The following ARID5B variants were observed in gnomAD, a reference collection of about 807,000 sequenced individuals.
ARID5B encodes the protein AT-rich interaction domain 5B, also known as AT-rich interactive domain-containing protein 5B.
A neutral mutation model predicts 97.2 loss-of-function variants in ARID5B; 13 were observed. The observed-to-expected ratio is 0.13, with a 90% CI of 0.09 to 0.21. The LOEUF (loss-of-function observed/expected upper bound fraction) is 0.21, where lower values mean the gene tolerates loss of function less well. Ranked by LOEUF, ARID5B falls within the 10% of genes least tolerant of loss-of-function variation. The probability of loss-of-function intolerance (pLI) is 1.00; values close to 1 mark genes in which losing one functional copy is unlikely to be tolerated. For missense variants in ARID5B, 1,210 were observed against 1,465.3 expected, an observed-to-expected ratio of 0.83 and a Z score of 2.84; for synonymous variants, 556 against 570.3, an observed-to-expected ratio of 0.97 and a Z score of 0.36.
At chr10:61,992,524 T>C (rs952960530) in intron 3 of ARID5B, among the ~76,000 whole-genome samples, 1 of 152,232 alleles carries the variant, frequency 6.6e-6, no homozygotes, top group African/African-American at 2.4e-5. Flanking sequence ...TGAAAACAGC[T>C]GGTTCAAACC....
intron 3 of ARID5B, among the ~76,000 whole-genome samples, chr10:61,949,623 G>C (rs1001088632): frequency 6.6e-6 from 1 of 152,094 alleles, no homozygotes; most frequent in African/African-American, 2.4e-5. Context: ...GGCAACAAGA[G>C]CGAAACTTTG....
At chr10:61,937,404 G>C (rs1844324156) in intron 2 of ARID5B, among the ~76,000 whole-genome samples, 1 of 152,142 alleles carries the variant, frequency 6.6e-6, no homozygotes, top group Non-Finnish European at 1.5e-5. Context: ...TGACTTAGAG[G>C]ATTTATGATT....
At chr10:61,915,742 T>G (rs984476466) in intron 2 of ARID5B, among the ~76,000 whole-genome samples, 2 of 152,150 alleles carry the variant, frequency 1.3e-5, no homozygotes, top group African/African-American at 4.8e-5. Context: ...TATCTGTCTT[T>G]GTTTGTTTGT....
In ARID5B at chr10:62,040,502, C is replaced by A. The variant is rs191656396; in HGVS notation, c.734-10386C>A. On this transcript the variant is annotated intron_variant, in intron 4 of 9. Coordinates refer to ENST00000279873, the MANE Select transcript of ARID5B (RefSeq NM_032199.3). ...AGATGTTAATCTTGTTCTGTCTGCT[C>A]CTTAACACATATTTCCAAGAACATA... Among the ~76,000 whole-genome samples the A allele has an allele frequency of 5.3e-3, 807 of 152,182 alleles. 5 individuals carry two copies. The highest frequency in any genetic ancestry group is 0.019 in the African/African-American group (783 of 41,514).
chr10:62,048,190 C>T (rs1309718339), intron 4 of ARID5B, among the ~76,000 whole-genome samples: 1 of 152,202 alleles, frequency 6.6e-6, no homozygotes, highest in Admixed American at 6.5e-5. Context: ...CAGGAAAGAA[C>T]AGTATGTGGG....
intron 2 of ARID5B, among the ~76,000 whole-genome samples, chr10:61,928,156 C>A (rs564295137): frequency 6.6e-6 from 1 of 152,126 alleles, no homozygotes; most frequent in Non-Finnish European, 1.5e-5. Flanking sequence ...TCACTCCCAC[C>A]CCTCTGCGGC....
intron 2 of ARID5B, among the ~76,000 whole-genome samples, chr10:61,906,098 T>C (rs1169855646): frequency 6.6e-6 from 1 of 152,184 alleles, no homozygotes; most frequent in Non-Finnish European, 1.5e-5. Flanking sequence ...CTATAGATTG[T>C]TGGTGAAGAT....
intron 4 of ARID5B, among the ~76,000 whole-genome samples, chr10:62,005,893 C>T (rs754849086): frequency 1.2e-4 from 19 of 152,298 alleles, no homozygotes; most frequent in Middle Eastern, 3.4e-3. Context: ...TTCATGGTCA[C>T]AGTGGATTTC....
chr10:62,029,033 AC>A (rs1373089637), intron 4 of ARID5B, among the ~76,000 whole-genome samples: 4 of 151,734 alleles, frequency 2.6e-5, no homozygotes, highest in Non-Finnish European at 5.9e-5. Context: ...AATACGCACC[AC>A]AGCTAACCTA....
intron 5 of ARID5B, among the ~76,000 whole-genome samples, chr10:62,051,577 G>T (rs1341247470): frequency 6.6e-6 from 1 of 152,172 alleles, no homozygotes; most frequent in African/African-American, 2.4e-5. Flanking sequence ...AACATAGAAT[G>T]AAAGTAAATT....
At chr10:62,050,270 G>A (rs1231007223) in intron 4 of ARID5B, among the ~76,000 whole-genome samples, 1 of 152,170 alleles carries the variant, frequency 6.6e-6, no homozygotes, top group Non-Finnish European at 1.5e-5. Flanking sequence ...TGATTTAAAT[G>A]TATCTGTCAG....
chr10:62,056,995 A>T, intron 5 of ARID5B, 122 bp from the exon 6 acceptor site: 1 of 867,454 alleles, frequency 1.2e-6, no homozygotes, highest in Admixed American at 2.8e-5. Flanking sequence ...AAAAGCAGGG[A>T]TAATTTACCG....
chr10:61,976,862 T>C (rs1564617827), intron 3 of ARID5B, among the ~76,000 whole-genome samples: 1 of 152,018 alleles, frequency 6.6e-6, no homozygotes, highest in South Asian at 2.1e-4. Flanking sequence ...TTCTTTCTTT[T>C]TTTTTTTTTT....
At chr10:61,968,564 C>T (rs1483178997) in intron 3 of ARID5B, among the ~76,000 whole-genome samples, 1 of 151,998 alleles carries the variant, frequency 6.6e-6, no homozygotes, top group African/African-American at 2.4e-5. Context: ...ATTTCTAAGG[C>T]ACCATTACTG....
chr10:61,991,260 A>G (rs1838921536), intron 3 of ARID5B, among the ~76,000 whole-genome samples: 1 of 152,222 alleles, frequency 6.6e-6, no homozygotes, highest in Non-Finnish European at 1.5e-5. Flanking sequence ...TAAATTTTTA[A>G]GGAAGTCCCA....
intron 2 of ARID5B, among the ~76,000 whole-genome samples, chr10:61,919,746 TG>T (rs1428469066): frequency 1.3e-5 from 2 of 152,226 alleles, no homozygotes; most frequent in African/African-American, 4.8e-5. Context: ...TTTGTGCTCC[TG>T]GGGGCTGAGT....
chr10:61,995,560 T>A (rs1838984503), intron 3 of ARID5B, among the ~76,000 whole-genome samples: 1 of 152,092 alleles, frequency 6.6e-6, no homozygotes. Flanking sequence ...GAATTTTAGA[T>A]CTGGAAATCT....
intron 3 of ARID5B, among the ~76,000 whole-genome samples, chr10:61,963,184 GTC>G (rs972778834): frequency 6.6e-6 from 1 of 152,104 alleles, no homozygotes; most frequent in African/African-American, 2.4e-5. Flanking sequence ...ATTCCCGCAT[GTC>G]TCTCTTTTTT....
intron 2 of ARID5B, among the ~76,000 whole-genome samples, chr10:61,903,744 A>G (rs2132749137): frequency 6.6e-6 from 1 of 151,966 alleles, no homozygotes; most frequent in East Asian, 1.9e-4. Context: ...AGTTGATAGT[A>G]CTTTTGGCAT....
Sources: allele counts gnomAD v4.1 joint callset (sites outside exome capture counted in the v4.1 genomes callset), GRCh38; gene constraint gnomAD v4.1.1; transcripts MANE v1.5; gene names NCBI Gene and HGNC (gene_info 2026-07-23, HGNC 2026-07-21).